The following FGFRL1 variants were observed in gnomAD, a reference collection of about 807,000 sequenced individuals.
The protein encoded by FGFRL1 is fibroblast growth factor receptor like 1, also known as fibroblast growth factor receptor-like 1.
A neutral mutation model predicts 36.8 loss-of-function variants in FGFRL1; 24 were observed. That is an observed-to-expected ratio of 0.65 (90% CI 0.47 to 0.92). The LOEUF is 0.92. Ranked by LOEUF, FGFRL1 falls within the 40% of genes least tolerant of loss-of-function variation. The pLI is 0.00. For synonymous variants in FGFRL1, 422 were observed against 344.1 expected, an observed-to-expected ratio of 1.23 and a Z score of -2.50; for missense variants, 785 against 753.4, an observed-to-expected ratio of 1.04 and a Z score of -0.49.
chr4:1,022,575 C>T, intron 3 of FGFRL1, 100 bp downstream of exon 3: 16 of 1,412,826 alleles, frequency 1.1e-5, no homozygotes, highest in East Asian at 7.4e-5. Context: ...GAGAGTCAGC[C>T]AGCCCCCGGC....
At chr4:1,013,168 G>A (rs898042162) in intron 2 of FGFRL1, among the ~76,000 whole-genome samples, 1 of 152,234 alleles carries the variant, frequency 6.6e-6, no homozygotes, top group Non-Finnish European at 1.5e-5. Flanking sequence ...CTGGGCACAC[G>A]CTGTGCTGGC....
intron 2 of FGFRL1, among the ~76,000 whole-genome samples, chr4:1,019,548 G>A (rs761146151): frequency 2.7e-4 from 41 of 152,304 alleles, no homozygotes; most frequent in Non-Finnish European, 4.6e-4. Flanking sequence ...GACCTGGGCC[G>A]GCTGGGAAGG....
chr4:1,015,912 G>A (rs1715862626), intron 2 of FGFRL1, among the ~76,000 whole-genome samples: 5 of 152,224 alleles, frequency 3.3e-5, no homozygotes. Flanking sequence ...AGGGCTTGGT[G>A]TGGAGCGCAG....
chr4:1,011,387 G>C (rs1427061864), upstream of FGFRL1: 8 of 145,762 alleles, frequency 5.5e-5, no homozygotes, highest in Non-Finnish European at 1.1e-4. Context: ...GGCGAGGCTC[G>C]GGTTGGGGCG....
At chr4:1,022,707 G>T (rs934321754) in intron 3 of FGFRL1, among the ~76,000 whole-genome samples, 1 of 152,254 alleles carries the variant, frequency 6.6e-6, no homozygotes, top group Non-Finnish European at 1.5e-5. Flanking sequence ...TCCTCCCAGC[G>T]GAGGGCGGAG....
upstream of FGFRL1, among the ~76,000 whole-genome samples, chr4:1,010,704 T>TG (rs1218907325): frequency 7.2e-5 from 11 of 151,878 alleles, no homozygotes; most frequent in African/African-American, 2.4e-4. Flanking sequence ...GGGGAGGCCA[T>TG]GGGGCGGCTG....
At position 1,024,987 on chromosome 4, in the gene FGFRL1, C is replaced by A. The variant is rs140148549; in HGVS notation, c.1155C>A (p.Ala385=). ...LPWPVVIGIP[A]GAVFILGTLL... is the part of the protein sequence containing the mutation. ...GGCCCGTGGTCATCGGCATCCCAGC[C>A]GGCGCTGTCTTCATCCTGGGCACCC... is the stretch of plus-strand genomic sequence containing the variant. The change falls in exon 7 of 7, where the codon GCC becomes GCA. Residue 385 remains alanine, a synonymous_variant. Coordinates refer to ENST00000510644, the MANE Select transcript of FGFRL1 (RefSeq NM_001004356.3). The A allele has an allele frequency of 2.5e-6, 4 of 1,610,188 alleles. No individual in the cohort carries two copies. In the African/African-American group the frequency reaches 4.0e-5, roughly 16 times the overall value.
At chr4:1,012,412 G>A (rs34627176) in intron 1 of FGFRL1, 58 bp from the exon 2 acceptor site, 299,749 of 1,556,272 alleles carry the variant, frequency 0.19, 30,395 homozygotes, top group Non-Finnish European at 0.21. Flanking sequence ...GCCCGGGACC[G>A]GGGAGGGCGG....
chr4:1,026,294 A>G lies in FGFRL1; in HGVS notation c.*947A>G. ...CACACATGCACACACAGGTGCAGAT[A>G]TGCTGCCTGGACACACGCAGACTGA... On this transcript the variant is annotated 3_prime_UTR_variant, in exon 7 of 7. Coordinates refer to ENST00000510644, the MANE Select transcript of FGFRL1 (RefSeq NM_001004356.3). The G allele has an allele frequency of 6.3e-6, 1 of 158,516 alleles. No homozygotes were observed. The allele number at this position is 158,516 out of a possible 1,614,324, so 9.8% of individuals were successfully genotyped here.
chr4:1,024,926 CT>C lies in FGFRL1; in HGVS notation c.1095del (p.Val366TrpfsTer214). On this transcript the variant is annotated frameshift_variant, in exon 7 of 7. Coordinates refer to ENST00000510644, the MANE Select transcript of FGFRL1 (RefSeq NM_001004356.3). LOFTEE classifies it low-confidence loss of function (END_TRUNC). ...VLPDPKPPGP[P>X]VASSSSATSL... ...GCAGACCCAAAACCGCCAGGGCCAC[CT>C]GTGGCCTCCTCGTCCTCGGCCACTA... is the stretch of plus-strand genomic sequence containing the variant. 6.3e-7 allele frequency: 1 copy of C among 1,599,458 alleles called. No individual in the cohort carries two copies. Among genetic ancestry groups the C allele is most frequent in the Non-Finnish European group, 8.5e-7 (1 of 1,176,142 alleles).
At chr4:1,019,084 C>T (rs959446466) in intron 2 of FGFRL1, among the ~76,000 whole-genome samples, 2 of 152,242 alleles carry the variant, frequency 1.3e-5, no homozygotes, top group African/African-American at 2.4e-5. Context: ...GGGGGTCCCG[C>T]CTCCCTGTCT....
chr4:1,010,691 T>G (rs1715536847), upstream of FGFRL1, among the ~76,000 whole-genome samples: 1 of 151,756 alleles, frequency 6.6e-6, no homozygotes, highest in Non-Finnish European at 1.5e-5. Flanking sequence ...GGAGGCAGGA[T>G]GAGGGGAGGC....
intron 2 of FGFRL1, among the ~76,000 whole-genome samples, chr4:1,020,636 G>A (rs1365839753): frequency 7.6e-6 from 1 of 132,306 alleles, no homozygotes; most frequent in African/African-American, 2.9e-5. Context: ...GACTGAGGCA[G>A]GGGATGGGGT....
At chr4:1,024,712 C>T (rs774064269) in intron 6 of FGFRL1, 48 bp downstream of exon 6, 10 of 1,522,574 alleles carry the variant, frequency 6.6e-6, no homozygotes, top group Non-Finnish European at 7.1e-6. Flanking sequence ...CCCGGACCCG[C>T]CCCCTGGGCC....
chr4:1,026,767 C>T lies in FGFRL1; in HGVS notation c.*1420C>T, dbSNP rs762308289. The stretch of plus-strand genomic sequence containing the variant: ...AGCCATGCTGATGACCACACCCCGT[C>T]CAGGCCAGACACCACCCCCCACCCC... On this transcript the variant is annotated 3_prime_UTR_variant, in exon 7 of 7. Transcript: ENST00000510644. The T allele has an allele frequency of 4.5e-6, 2 of 445,742 alleles. No individual in the cohort carries two copies. The highest frequency in any genetic ancestry group is 1.6e-5 in the South Asian group (1 of 62,388). The allele number at this position is 445,742 out of a possible 1,614,324, so 27.6% of individuals were successfully genotyped here.
chr4:1,013,235 C>T (rs546993155), intron 2 of FGFRL1, among the ~76,000 whole-genome samples: 1 of 152,378 alleles, frequency 6.6e-6, no homozygotes, highest in African/African-American at 2.4e-5. Context: ...GGGACCCAGC[C>T]CCAGCAAGGA....
Position 1,012,561 on chromosome 4 carries a change from C to T in FGFRL1, c.76C>T (p.Arg26Ter), listed in dbSNP as rs768315040. The change falls in exon 2 of 7, where the codon CGA (arginine) becomes TGA (stop). Residue 26 changes from arginine (R) to a stop codon, truncating the protein, a stop_gained. Transcript: ENST00000510644. LOFTEE classifies it high-confidence loss of function. The stretch of plus-strand genomic sequence containing the variant: ...GGCCTTCCCGCCGGCCGCCGCCGCC[C>T]GAGGTGAGTTCTGGCGCCCAGCCCG... ...LGAFPPAAAARGPPKMADKVV... is the reference protein window; with the variant it reads ...LGAFPPAAAA 2 of 1,423,992 alleles carry T rather than the reference C, an allele frequency of 1.4e-6. No homozygotes were observed. The highest frequency in any genetic ancestry group is 3.0e-5 in the African/African-American group (2 of 67,384). The allele number at this position is 1,423,992 out of a possible 1,614,324, so 88.2% of individuals were successfully genotyped here. A position where few individuals can be genotyped will look rare whatever the true frequency, so the allele number is the denominator to read the frequency against.
At chr4:1,017,608 G>A (rs573542519) in intron 2 of FGFRL1, among the ~76,000 whole-genome samples, 153 of 152,330 alleles carry the variant, frequency 1.0e-3, no homozygotes, top group African/African-American at 3.5e-3. Flanking sequence ...CTGTAGAGGC[G>A]TCCTGGGAGG....
At position 1,021,805 on chromosome 4, in the gene FGFRL1, G is replaced by A. The variant is rs181641751; in HGVS notation, c.80-398G>A. On this transcript the variant is annotated intron_variant, in intron 2 of 6. Transcript: ENST00000510644. ...GGGGGCCACTGTCCCCTCTGACCTC[G>A]GGTGTACGGCTGCTTCCTGTATGAC... is the stretch of plus-strand genomic sequence containing the variant. Among the ~76,000 whole-genome samples, 784 of 152,278 alleles carry A rather than the reference G, an allele frequency of 5.1e-3. 8 individuals carry two copies. The highest frequency in any genetic ancestry group is 0.014 in the Middle Eastern group (4 of 294).
Sources: allele counts gnomAD v4.1 joint callset (sites outside exome capture counted in the v4.1 genomes callset), GRCh38; gene constraint gnomAD v4.1.1; transcripts MANE v1.5; gene names NCBI Gene and HGNC (gene_info 2026-07-23, HGNC 2026-07-21).